Variants in SLIT2 observed in about 807,000 individuals in gnomAD.
SLIT2 encodes the protein slit homolog 2 protein.
In SLIT2, 41 loss-of-function variants were observed where a neutral mutation model predicts 185.7. The ratio of observed to expected loss-of-function variants is 0.22; its 90% CI spans 0.17 to 0.29. The LOEUF (loss-of-function observed/expected upper bound fraction) is 0.29. Among genes scored for constraint, SLIT2 ranks in the 10% least tolerant of loss-of-function variants. The pLI, the probability that SLIT2 is intolerant of heterozygous loss-of-function variation, is 1.00. For missense variants in SLIT2, 1,571 were observed against 1,909.0 expected (o/e 0.82, Z 3.30); for synonymous variants, 693 against 680.2 (o/e 1.02, Z -0.29).
intron 29 of SLIT2, among the ~76,000 whole-genome samples, chr4:20,579,171 G>A (rs1395783236): frequency 5.3e-5 from 8 of 151,834 alleles, no homozygotes; most frequent in East Asian, 3.9e-4. Flanking sequence ...GTGGTGGTGC[G>A]TGCCTGTAAT....
chr4:20,441,505 C>G (rs544575845), intron 4 of SLIT2, among the ~76,000 whole-genome samples: 1 of 132,038 alleles, frequency 7.6e-6, no homozygotes, highest in African/African-American at 2.9e-5. Flanking sequence ...TCTCTCTCGC[C>G]CCCCCCCACT....
intron 4 of SLIT2, among the ~76,000 whole-genome samples, chr4:20,347,242 A>G (rs1372373248): frequency 2.6e-5 from 4 of 152,216 alleles, no homozygotes; most frequent in African/African-American, 4.8e-5. Context: ...CTTCTCTGTT[A>G]GGTAAAGGAG....
chr4:20,536,425 G>T (rs977465190), intron 18 of SLIT2, among the ~76,000 whole-genome samples: 1 of 151,950 alleles, frequency 6.6e-6, no homozygotes, highest in African/African-American at 2.4e-5. Context: ...GGGCATAGTG[G>T]CAGGCACTTG....
intron 3 of SLIT2, among the ~76,000 whole-genome samples, chr4:20,261,191 G>A (rs1712433682): frequency 6.6e-6 from 1 of 151,724 alleles, no homozygotes; most frequent in South Asian, 2.1e-4. Context: ...TTCAGTATGT[G>A]CCTTATATAG....
intron 5 of SLIT2, among the ~76,000 whole-genome samples, chr4:20,475,542 T>C (rs1311167182): frequency 1.3e-5 from 2 of 152,052 alleles, no homozygotes; most frequent in East Asian, 3.9e-4. Context: ...AATGAAAACT[T>C]CACAGACTAT....
At chr4:20,379,813 A>G (rs977406012) in intron 4 of SLIT2, among the ~76,000 whole-genome samples, 1 of 152,176 alleles carries the variant, frequency 6.6e-6, no homozygotes, top group African/African-American at 2.4e-5. Context: ...CAAGCTTACT[A>G]TCGGGAAGGA....
At chr4:20,398,688 A>G (rs1726114673) in intron 4 of SLIT2, among the ~76,000 whole-genome samples, 1 of 151,722 alleles carries the variant, frequency 6.6e-6, no homozygotes, top group Admixed American at 6.6e-5. Flanking sequence ...CATCCCATCC[A>G]TGTTTATATT....
At chr4:20,485,421 T>C (rs1450623455) in intron 6 of SLIT2, among the ~76,000 whole-genome samples, 1 of 152,098 alleles carries the variant, frequency 6.6e-6, no homozygotes, top group Non-Finnish European at 1.5e-5. Flanking sequence ...ATAATAATAA[T>C]AATAAAACTA....
chr4:20,548,231 C>T (rs1271122006), intron 22 of SLIT2, among the ~76,000 whole-genome samples: 2 of 151,990 alleles, frequency 1.3e-5, no homozygotes, highest in Non-Finnish European at 2.9e-5. Flanking sequence ...TGAACCAACC[C>T]CTTGCACGTA....
Position 20,620,464 on chromosome 4 carries a change from A to G in SLIT2, c.*1455A>G, listed in dbSNP as rs1729996200. On this transcript the variant is annotated 3_prime_UTR_variant, in exon 37 of 37. Transcript: ENST00000504154. ...AACTTCTTTTTTTACAAAGAAAATTAGATGTACATGTATAATTCAGTGTGC... is the reference window on the plus strand; with the variant it reads ...AACTTCTTTTTTTACAAAGAAAATTGGATGTACATGTATAATTCAGTGTGC... The G allele has an allele frequency of 2.2e-6, 1 of 453,388 alleles. No homozygotes were observed. Among genetic ancestry groups the G allele is most frequent in the African/African-American group, 2.0e-5 (1 of 49,892 alleles). 28.1% of individuals were successfully genotyped at this position (453,388 alleles called of 1,614,324 possible).
At chr4:20,351,791 C>A (rs571533426) in intron 4 of SLIT2, among the ~76,000 whole-genome samples, 16 of 152,204 alleles carry the variant, frequency 1.1e-4, no homozygotes, top group African/African-American at 3.9e-4. Flanking sequence ...TAATGGGGTG[C>A]TGAAAAAGTC....
chr4:20,348,660 G>GT (rs1012309272), intron 4 of SLIT2, among the ~76,000 whole-genome samples: 9 of 152,142 alleles, frequency 5.9e-5, no homozygotes, highest in Non-Finnish European at 1.0e-4. Flanking sequence ...GGAGAATAAG[G>GT]TAGTGGCATG....
At chr4:20,517,464 A>T (rs910895279) in intron 11 of SLIT2, among the ~76,000 whole-genome samples, 2 of 151,960 alleles carry the variant, frequency 1.3e-5, no homozygotes, top group African/African-American at 4.8e-5. Context: ...TTGACCTCAA[A>T]ATATATATTT....
intron 4 of SLIT2, among the ~76,000 whole-genome samples, chr4:20,371,250 C>T (rs1251872880): frequency 6.6e-6 from 1 of 151,964 alleles, no homozygotes; most frequent in Non-Finnish European, 1.5e-5. Context: ...TGTTCTCACA[C>T]AGTCACTCAT....
At chr4:20,597,636 C>CT (rs1449261491) in intron 32 of SLIT2, among the ~76,000 whole-genome samples, 1 of 152,108 alleles carries the variant, frequency 6.6e-6, no homozygotes, top group African/African-American at 2.4e-5. Context: ...GACACCACCC[C>CT]TTTTTTGGTT....
intron 30 of SLIT2, among the ~76,000 whole-genome samples, chr4:20,590,569 A>G (rs892750643): frequency 3.9e-4 from 59 of 152,262 alleles, no homozygotes; most frequent in African/African-American, 1.3e-3. Context: ...CAACTTAAAT[A>G]TTTTTTGCAT....
intron 26 of SLIT2, among the ~76,000 whole-genome samples, chr4:20,564,269 A>G (rs1216274923): frequency 1.3e-5 from 2 of 151,708 alleles, no homozygotes; most frequent in Non-Finnish European, 2.9e-5. Flanking sequence ...AGAAGGGCAA[A>G]ATATGGACAG....
At chr4:20,581,743 T>C (rs9291411) in intron 29 of SLIT2, among the ~76,000 whole-genome samples, 103,434 of 151,770 alleles carry the variant, frequency 0.68, 35,800 homozygotes, top group East Asian at 0.83. Flanking sequence ...AGTTCTCTCT[T>C]TCTCTCTCTT....
intron 26 of SLIT2, among the ~76,000 whole-genome samples, chr4:20,563,446 A>G (rs182642026): frequency 6.6e-6 from 1 of 151,996 alleles, no homozygotes; most frequent in Admixed American, 6.6e-5. Context: ...AAGAACAAAG[A>G]GAACCTCTTC....
Sources: gnomAD v4.1 joint callset for allele counts (sites outside exome capture counted in the v4.1 genomes callset) on GRCh38, gnomAD v4.1.1 for gene constraint, MANE v1.5 for transcripts, NCBI Gene and HGNC (gene_info 2026-07-23, HGNC 2026-07-21) for gene names.